Variants in PIP4K2B observed in about 807,000 individuals in gnomAD.
PIP4K2B encodes the protein phosphatidylinositol 5-phosphate 4-kinase type-2 beta.
In PIP4K2B, 3 loss-of-function variants were observed where a neutral mutation model predicts 42.0. The observed-to-expected ratio is 0.07, with a 90% CI of 0.03 to 0.18. The LOEUF (loss-of-function observed/expected upper bound fraction) is 0.18, where lower values mean the gene tolerates loss of function less well. Among genes scored for constraint, PIP4K2B ranks in the 10% least tolerant of loss-of-function variants. The probability of loss-of-function intolerance (pLI) is 1.00; values close to 1 mark genes in which losing one functional copy is unlikely to be tolerated. For missense variants in PIP4K2B, 332 were observed against 562.3 expected (o/e 0.59, Z 4.14); for synonymous variants, 204 against 210.1 (o/e 0.97, Z 0.25).
In PIP4K2B at chr17:38,799,456, G is replaced by A. The variant is rs1419904621; in HGVS notation, c.-32C>T. ...GGCGGCGGCGGCGGCGGCGAAAGAG[G>A]GGGGCGGCGGAGACAGCGCACAAGC... On this transcript the variant is annotated 5_prime_UTR_variant, in exon 1 of 10. Coordinates refer to ENST00000619039, the MANE Select transcript of PIP4K2B (RefSeq NM_003559.5). This position sits in a 1 kb window ranked among gnomAD's most constrained non-coding sequence, Gnocchi z 4.4. 3.9e-6 allele frequency: 6 copies of A among 1,537,506 alleles called. No individual in the cohort carries two copies. The highest frequency in any genetic ancestry group is 2.3e-5 in the South Asian group (2 of 85,266).
chr17:38,799,446 G>A lies in PIP4K2B; in HGVS notation c.-22C>T, dbSNP rs765207058. On this transcript the variant is annotated 5_prime_UTR_variant, in exon 1 of 10. Coordinates refer to ENST00000619039, the MANE Select transcript of PIP4K2B (RefSeq NM_003559.5). The surrounding 1 kb of genome is among the most constrained non-coding windows in gnomAD (Gnocchi z 4.4). ...ACATGCCCGGGGCGGCGGCGGCGGCGGCGAAAGAGGGGGGCGGCGGAGACA... is the reference window on the plus strand; with the variant it reads ...ACATGCCCGGGGCGGCGGCGGCGGCAGCGAAAGAGGGGGGCGGCGGAGACA... 11 of 1,552,798 alleles carry A rather than the reference G, an allele frequency of 7.1e-6. No individual in the cohort carries two copies. The Admixed American group carries it at 1.8e-4, about 25-fold the overall frequency.
In PIP4K2B at chr17:38,790,674, G is replaced by A. The variant is rs571416747; in HGVS notation, c.160-3754C>T. Among the ~76,000 whole-genome samples the A allele has an allele frequency of 2.0e-3, 302 of 152,224 alleles. 2 individuals are homozygous for A. The highest frequency in any genetic ancestry group is 0.01 in the Middle Eastern group (3 of 294). On this transcript the variant is annotated intron_variant, in intron 1 of 9. Transcript: ENST00000619039. The stretch of plus-strand genomic sequence containing the variant: ...GGGTTTCACCATGTTGGTCAGGCTG[G>A]TCTCGAATTCCTGACCTCGTGATCT...
At chr17:38,790,101 T>C (rs1470458359) in intron 1 of PIP4K2B, among the ~76,000 whole-genome samples, 1 of 152,150 alleles carries the variant, frequency 6.6e-6, no homozygotes, top group Non-Finnish European at 1.5e-5. Flanking sequence ...TTAATATACA[T>C]AAATTATTCC....
intron 3 of PIP4K2B, among the ~76,000 whole-genome samples, chr17:38,783,570 A>T (rs556395925): frequency 1.3e-5 from 2 of 151,444 alleles, no homozygotes; most frequent in South Asian, 4.2e-4. Context: ...CTGCTTTAAG[A>T]GGCCTCATCT....
At chr17:38,785,635 T>C (rs228303) in intron 2 of PIP4K2B, among the ~76,000 whole-genome samples, 143,791 of 152,268 alleles carry the variant, frequency 0.94, 67,938 homozygotes, top group East Asian at 1. Context: ...GCCAAGATCG[T>C]GCCACTGCAC....
In PIP4K2B at chr17:38,777,655, C is replaced by T. The variant is rs1296792978; in HGVS notation, c.807+32G>A. The T allele has an allele frequency of 4.3e-6, 6 of 1,381,334 alleles. No individual in the cohort carries two copies. In the South Asian group the frequency reaches 4.6e-5, roughly 11 times the overall value. 85.6% of individuals were successfully genotyped at this position (1,381,334 alleles called of 1,614,324 possible). On this transcript the variant is annotated intron_variant, in intron 7 of 9. Transcript: ENST00000619039. ...GCGCCTACTCTAGGTACAGAAGGAGCCTTGCAGGTGAAAATGAAGGTTAGT... is the reference window on the plus strand; with the variant it reads ...GCGCCTACTCTAGGTACAGAAGGAGTCTTGCAGGTGAAAATGAAGGTTAGT...
chr17:38,776,901 G>A (rs1909387074), intron 7 of PIP4K2B, among the ~76,000 whole-genome samples: 1 of 152,126 alleles, frequency 6.6e-6, no homozygotes, highest in Non-Finnish European at 1.5e-5. Flanking sequence ...CCTGATTAGT[G>A]GATTTTTGTT....
In PIP4K2B at chr17:38,774,438, G is replaced by A. The variant is rs548158762; in HGVS notation, c.808-3166C>T. Among the ~76,000 whole-genome samples the A allele has an allele frequency of 4.6e-5, 7 of 152,256 alleles. 1 individual carries two copies. In the East Asian group the frequency reaches 1.2e-3, roughly 25 times the overall value. On this transcript the variant is annotated intron_variant, in intron 7 of 9. Coordinates refer to ENST00000619039, the MANE Select transcript of PIP4K2B (RefSeq NM_003559.5). ...CTCCGGCTTGCTGACTGCAGATCTC[G>A]TTGGTATCCATAATCCCATGAAACA...
At chr17:38,776,638 A>AAAAC (rs1013892092) in intron 7 of PIP4K2B, 8 of 439,252 alleles carry the variant, frequency 1.8e-5, no homozygotes, top group Admixed American at 5.2e-5. Context: ...AAAAAAAAAC[A>AAAAC]AAACAAACAA....
At position 38,799,490 on chromosome 17, in the gene PIP4K2B, T is replaced by G; in HGVS notation, c.-66A>C. 6.8e-7 allele frequency: 1 copy of G among 1,473,880 alleles called. No individual in the cohort carries two copies. The highest frequency in any genetic ancestry group is 8.9e-7 in the Non-Finnish European group (1 of 1,121,728). The allele number at this position is 1,473,880 out of a possible 1,614,324, so 91.3% of individuals were successfully genotyped here. A position where few individuals can be genotyped will look rare whatever the true frequency, so the allele number is the denominator to read the frequency against. The stretch of plus-strand genomic sequence containing the variant: ...GGAGACAGCGCACAAGCCAGCGGCC[T>G]CAGGCCTCCCCCGGACCGATCCCCA... On this transcript the variant is annotated 5_prime_UTR_variant, in exon 1 of 10. Coordinates refer to ENST00000619039, the MANE Select transcript of PIP4K2B (RefSeq NM_003559.5). The surrounding 1 kb of genome is among the most constrained non-coding windows in gnomAD (Gnocchi z 4.4).
intron 6 of PIP4K2B, 28 bp from the exon 7 acceptor site, chr17:38,777,828 G>C (rs757366086): frequency 1.7e-5 from 25 of 1,514,636 alleles, no homozygotes; most frequent in Non-Finnish European, 2.3e-5. Context: ...GTTAGGCTGG[G>C]TAAGCCTGAT....
At chr17:38,791,502 C>T (rs946004196) in intron 1 of PIP4K2B, among the ~76,000 whole-genome samples, 7 of 149,200 alleles carry the variant, frequency 4.7e-5, no homozygotes, top group Non-Finnish European at 1.0e-4. Context: ...TTCCGCCTCC[C>T]GGGTTCAAGC....
intron 8 of PIP4K2B, 35 bp downstream of exon 8, chr17:38,770,979 A>G (rs1445820964): frequency 6.2e-7 from 1 of 1,612,208 alleles, no homozygotes; most frequent in Non-Finnish European, 8.5e-7. Context: ...GGATGAGGGC[A>G]GGGCTGTGCA....
chr17:38,771,369 C>G, intron 7 of PIP4K2B, 97 bp from the exon 8 acceptor site: 1 of 1,366,872 alleles, frequency 7.3e-7, no homozygotes, highest in Non-Finnish European at 1.0e-6. Context: ...CCTTTCAACT[C>G]AATTCTACAA....
intron 4 of PIP4K2B, 26 bp from the exon 5 acceptor site, chr17:38,779,555 G>C: frequency 6.2e-7 from 1 of 1,602,088 alleles, no homozygotes; most frequent in South Asian, 1.1e-5. Context: ...AGAAGAGAGA[G>C]GACTAAGGAA....
intron 1 of PIP4K2B, among the ~76,000 whole-genome samples, chr17:38,791,375 A>G (rs1338359144): frequency 6.8e-6 from 1 of 147,714 alleles, no homozygotes; most frequent in Non-Finnish European, 1.5e-5. Flanking sequence ...CCTGGCATTC[A>G]AGGCCTTTCC....
chr17:38,793,851 A>G (rs1234555271), intron 1 of PIP4K2B, among the ~76,000 whole-genome samples: 1 of 151,876 alleles, frequency 6.6e-6, no homozygotes, highest in Non-Finnish European at 1.5e-5. Flanking sequence ...CAGCCTGTGC[A>G]AGAGCGCGAG....
At chr17:38,774,110 A>G (rs11870269) in intron 7 of PIP4K2B, among the ~76,000 whole-genome samples, 8,651 of 152,274 alleles carry the variant, frequency 0.057, 826 homozygotes, top group African/African-American at 0.2. Flanking sequence ...CAACAGCTAC[A>G]AGGTGGAAGC....
At chr17:38,775,443 A>G (rs1395559750) in intron 7 of PIP4K2B, among the ~76,000 whole-genome samples, 1 of 152,088 alleles carries the variant, frequency 6.6e-6, no homozygotes, top group East Asian at 1.9e-4. Flanking sequence ...TAGAGACAGG[A>G]TCTCAGTAAA....
Sources: allele counts gnomAD v4.1 joint callset (sites outside exome capture counted in the v4.1 genomes callset), GRCh38; gene constraint gnomAD v4.1.1; non-coding constraint Gnocchi (gnomAD v3.1); transcripts MANE v1.5; gene names NCBI Gene and HGNC (gene_info 2026-07-23, HGNC 2026-07-21).